The following GALNT13 variants were observed in gnomAD, a reference collection of about 807,000 sequenced individuals.
GALNT13 encodes UDP-GalNAc:polypeptide N-acetylgalactosaminyltransferase 13.
Under a neutral mutation model 64.2 loss-of-function variants are expected in GALNT13, and 28 were observed. The observed-to-expected ratio is 0.44, with a 90% confidence interval of 0.32 to 0.60. GALNT13 has a LOEUF of 0.60. Among genes scored for constraint, GALNT13 ranks in the 20% least tolerant of loss-of-function variants. The pLI is 0.05. For missense variants in GALNT13, 577 were observed against 669.8 expected (o/e 0.86, Z 1.53); for synonymous variants, 214 against 224.6 (o/e 0.95, Z 0.42).
chr2:154,431,768 T>G (rs1411587350), intron 11 of GALNT13, among the ~76,000 whole-genome samples: 1 of 152,218 alleles, frequency 6.6e-6, no homozygotes, highest in African/African-American at 2.4e-5. Flanking sequence ...TTTCCCATGT[T>G]GTTCTCATGA....
intron 3 of GALNT13, among the ~76,000 whole-genome samples, chr2:154,092,504 T>G (rs756669697): frequency 3.9e-5 from 6 of 151,998 alleles, no homozygotes; most frequent in Non-Finnish European, 8.8e-5. Flanking sequence ...AGGCTATAGC[T>G]CCTTTAATGC....
At chr2:153,461,286 A>G in the GALNT13 span, among the ~76,000 whole-genome samples, 2 of 152,090 alleles carry the variant, frequency 1.3e-5, no homozygotes, top group Non-Finnish European at 2.9e-5. Context: ...AAAAATGGAG[A>G]AGAAATTTGG....
the GALNT13 span, among the ~76,000 whole-genome samples, chr2:153,093,528 C>G: frequency 2.6e-5 from 4 of 152,032 alleles, no homozygotes; most frequent in African/African-American, 9.7e-5. Flanking sequence ...CATGAGCCAC[C>G]GTGTGTGGCT....
the GALNT13 span, among the ~76,000 whole-genome samples, chr2:153,322,912 G>T: frequency 3.3e-5 from 5 of 152,114 alleles, no homozygotes; most frequent in Non-Finnish European, 7.4e-5. Context: ...TGGGCATCTG[G>T]GTTGGTTCCA....
At chr2:153,619,823 T>C in the GALNT13 span, among the ~76,000 whole-genome samples, 1 of 152,120 alleles carries the variant, frequency 6.6e-6, no homozygotes, top group Non-Finnish European at 1.5e-5. Flanking sequence ...ACATTTTGGA[T>C]CTCTATTGTA....
At chr2:154,344,658 G>T (rs1273291189) in intron 9 of GALNT13, among the ~76,000 whole-genome samples, 1 of 151,900 alleles carries the variant, frequency 6.6e-6, no homozygotes, top group Non-Finnish European at 1.5e-5. Flanking sequence ...TCTTATTCTA[G>T]TTTTTGTTCC....
At chr2:154,156,118 TAGG>T (rs2105646677) in intron 4 of GALNT13, among the ~76,000 whole-genome samples, 1 of 152,108 alleles carries the variant, frequency 6.6e-6, no homozygotes, top group South Asian at 2.1e-4. Flanking sequence ...TAAAATGTCA[TAGG>T]AGACTTTCTG....
the GALNT13 span, among the ~76,000 whole-genome samples, chr2:153,770,188 T>G: frequency 7.2e-5 from 3 of 41,852 alleles, no homozygotes; most frequent in Middle Eastern, 0.022. Flanking sequence ...ACACCCCGGC[T>G]TTTTCTCCTC....
At chr2:154,032,205 A>G (rs1698382980) in intron 3 of GALNT13, among the ~76,000 whole-genome samples, 1 of 152,038 alleles carries the variant, frequency 6.6e-6, no homozygotes, top group South Asian at 2.1e-4. Flanking sequence ...AAGGCATTAA[A>G]ATATAATAAA....
the GALNT13 span, among the ~76,000 whole-genome samples, chr2:153,108,749 G>A: frequency 3.3e-5 from 5 of 152,048 alleles, no homozygotes; most frequent in African/African-American, 4.8e-5. Context: ...CCTAAAAACA[G>A]TGATGTCTGT....
In GALNT13 at chr2:154,319,972, A is replaced by G. The variant is rs182926387; in HGVS notation, c.1156+18383A>G. Among the ~76,000 whole-genome samples, 285 of 152,266 alleles carry G rather than the reference A, an allele frequency of 1.9e-3. 1 individual carries two copies. The highest frequency in any genetic ancestry group is 6.7e-3 in the African/African-American group (280 of 41,576). Reference sequence around the variant, plus strand: ...AACTAGAAACACTAAGTGCTGACATATATATACATATCCCTATATATTATG... The same window carrying G: ...AACTAGAAACACTAAGTGCTGACATGTATATACATATCCCTATATATTATG... On this transcript the variant is annotated intron_variant, in intron 9 of 12. Coordinates refer to ENST00000392825, the MANE Select transcript of GALNT13 (RefSeq NM_052917.4).
chr2:153,946,844 T>G (rs1691791034), intron 3 of GALNT13, among the ~76,000 whole-genome samples: 1 of 152,150 alleles, frequency 6.6e-6, no homozygotes, highest in African/African-American at 2.4e-5. Context: ...ACTTGAGGGT[T>G]TTAATTTCAT....
chr2:154,309,687 G>C (rs1693928846), intron 9 of GALNT13, among the ~76,000 whole-genome samples: 1 of 152,108 alleles, frequency 6.6e-6, no homozygotes, highest in African/African-American at 2.4e-5. Context: ...CCTCCCACTA[G>C]GGCATACCTT....
chr2:153,955,210 C>T (rs2105412522), intron 3 of GALNT13, among the ~76,000 whole-genome samples: 1 of 152,188 alleles, frequency 6.6e-6, no homozygotes, highest in Non-Finnish European at 1.5e-5. Flanking sequence ...ACCAGTTTTT[C>T]CCCAAAGCTT....
chr2:154,366,668 T>C (rs1697377850), intron 9 of GALNT13, among the ~76,000 whole-genome samples: 1 of 152,184 alleles, frequency 6.6e-6, no homozygotes, highest in African/African-American at 2.4e-5. Flanking sequence ...AGAACTAAGG[T>C]TATATGTCAA....
chr2:153,967,731 A>G (rs1693468865), intron 3 of GALNT13, among the ~76,000 whole-genome samples: 1 of 151,934 alleles, frequency 6.6e-6, no homozygotes, highest in South Asian at 2.1e-4. Flanking sequence ...GTGCTCACCC[A>G]TGGACCACAT....
the GALNT13 span, among the ~76,000 whole-genome samples, chr2:153,422,942 G>A: frequency 6.6e-6 from 1 of 151,562 alleles, no homozygotes; most frequent in African/African-American, 2.4e-5. Flanking sequence ...AATAAACAAG[G>A]GTTTGATAGT....
intron 3 of GALNT13, among the ~76,000 whole-genome samples, chr2:153,975,531 A>C (rs1438716637): frequency 6.6e-6 from 1 of 152,046 alleles, no homozygotes; most frequent in Non-Finnish European, 1.5e-5. Context: ...ACTCTTAACT[A>C]CTCAAAATGC....
the GALNT13 span, among the ~76,000 whole-genome samples, chr2:153,229,018 T>TAG: frequency 2.0e-4 from 31 of 152,284 alleles, no homozygotes; most frequent in Non-Finnish European, 3.4e-4. Flanking sequence ...CTCTCTAAGA[T>TAG]AGCTAGAGTA....
Sources: gnomAD v4.1 joint callset for allele counts (sites outside exome capture counted in the v4.1 genomes callset) on GRCh38, gnomAD v4.1.1 for gene constraint, MANE v1.5 for transcripts, NCBI Gene and HGNC (gene_info 2026-07-23, HGNC 2026-07-21) for gene names.